Variants in CLDN14 observed in about 807,000 individuals in gnomAD.
The protein encoded by CLDN14 is claudin-14.
Under a neutral mutation model 2.1 loss-of-function variants are expected in CLDN14, and 2 were observed. That is an observed-to-expected ratio of 0.96 (90% CI 0.39 to 3.01). The LOEUF (loss-of-function observed/expected upper bound fraction) is 3.01. Ranked by LOEUF, CLDN14 falls within the 30% of genes most tolerant of loss-of-function variation. The probability of loss-of-function intolerance (pLI) is 0.09; values close to 1 mark genes in which losing one functional copy is unlikely to be tolerated. For missense variants in CLDN14, 298 were observed against 328.0 expected, an observed-to-expected ratio of 0.91 and a Z score of 0.71; for synonymous variants, 136 against 154.4, an observed-to-expected ratio of 0.88 and a Z score of 0.88.
intron 2 of CLDN14, among the ~76,000 whole-genome samples, chr21:36,489,133 T>TAAAA (rs1285052278): frequency 4.7e-5 from 2 of 42,964 alleles, no homozygotes; most frequent in Non-Finnish European, 1.0e-4. Flanking sequence ...AAAAAAAAAA[T>TAAAA]ATATATATAT....
chr21:36,532,781 T>G (rs2087391521), intron 1 of CLDN14, among the ~76,000 whole-genome samples: 1 of 152,126 alleles, frequency 6.6e-6, no homozygotes, highest in Admixed American at 6.5e-5. Context: ...AGAAAGTATT[T>G]AAGTTACGAT....
At chr21:36,491,888 A>G (rs2086969228) in intron 2 of CLDN14, among the ~76,000 whole-genome samples, 1 of 152,208 alleles carries the variant, frequency 6.6e-6, no homozygotes, top group African/African-American at 2.4e-5. Context: ...TAAGAACAGT[A>G]TCATGATGCA....
chr21:36,502,418 A>G (rs2087099289), intron 2 of CLDN14, among the ~76,000 whole-genome samples: 1 of 152,208 alleles, frequency 6.6e-6, no homozygotes, highest in Non-Finnish European at 1.5e-5. Flanking sequence ...TAGTATGCTT[A>G]GGGGTCAGTC....
intron 1 of CLDN14, among the ~76,000 whole-genome samples, chr21:36,475,351 G>T (rs219751): frequency 6.6e-6 from 1 of 151,948 alleles, no homozygotes; most frequent in African/African-American, 2.4e-5. Flanking sequence ...TCTGTTCATC[G>T]TGGAGAAGTC....
intron 2 of CLDN14, chr21:36,486,893 C>G: frequency 1.5e-6 from 1 of 659,512 alleles, no homozygotes. Flanking sequence ...AGGATGCGGC[C>G]GGTGTCTAGA....
rs2146503889 is a variant in CLDN14 at position 36,533,855 on chromosome 21, G to C, written c.-219-23355C>G. Among the ~76,000 whole-genome samples the C allele has an allele frequency of 1.3e-5, 2 of 152,264 alleles. 1 individual carries two copies. The stretch of plus-strand genomic sequence containing the variant: ...GGGCCTACCTGGGGGTGAAGGGTGG[G>C]AGGAGGGAGAGGATCAGGAAAAATA... On this transcript the variant is annotated intron_variant, in intron 1 of 2. Coordinates refer to the CLDN14 transcript ENST00000342108.
chr21:36,564,710 T>C (rs2087660456), intron 1 of CLDN14, among the ~76,000 whole-genome samples: 1 of 152,158 alleles, frequency 6.6e-6, no homozygotes, highest in Admixed American at 6.5e-5. Context: ...GCAGTGAAGG[T>C]TGCAGAGGGA....
chr21:36,461,752 C>G lies in CLDN14; in HGVS notation c.-57G>C. 1 of 1,536,622 alleles carries G rather than the reference C, an allele frequency of 6.5e-7. No homozygotes were observed. Among genetic ancestry groups the G allele is most frequent in the Admixed American group, 2.0e-5 (1 of 50,820 alleles). ...GCTCCCTGGGCCCTCGGGGTCACGCCGCTCCTCAGGTGCCAGCCGGAGCCC... is the reference window on the plus strand; with the variant it reads ...GCTCCCTGGGCCCTCGGGGTCACGCGGCTCCTCAGGTGCCAGCCGGAGCCC... On this transcript the variant is annotated 5_prime_UTR_variant, in exon 2 of 2. Transcript: ENST00000399135.
At chr21:36,501,173 G>A (rs963952281) in intron 2 of CLDN14, among the ~76,000 whole-genome samples, 3 of 152,046 alleles carry the variant, frequency 2.0e-5, no homozygotes, top group African/African-American at 7.2e-5. Context: ...GCTTATCTGA[G>A]GGCTGAAAGA....
At chr21:36,482,055 A>G (rs116544039), upstream of CLDN14, among the ~76,000 whole-genome samples, 2,364 of 152,212 alleles carry the variant, frequency 0.016, 68 homozygotes, top group African/African-American at 0.055. Flanking sequence ...GGCTCCTCCA[A>G]CTTCCATCAA....
intron 2 of CLDN14, among the ~76,000 whole-genome samples, chr21:36,489,131 A>AAAAAAATATATATATATAT: frequency 1.3e-4 from 8 of 62,750 alleles, no homozygotes; most frequent in South Asian, 6.0e-4. Context: ...AAAAAAAAAA[A>AAAAAAATATATATATATAT]ATATATATAT....
At chr21:36,481,176 C>T (rs2146449910), upstream of CLDN14, 1 of 152,306 alleles carries the variant, frequency 6.6e-6, no homozygotes, top group Non-Finnish European at 1.5e-5. Context: ...ACTATCTATG[C>T]CAGGAAAGTT....
intron 2 of CLDN14, among the ~76,000 whole-genome samples, chr21:36,489,131 A>AAAAT: frequency 0.088 from 5,513 of 62,586 alleles, 418 homozygotes; most frequent in Non-Finnish European, 0.13. Context: ...AAAAAAAAAA[A>AAAAT]ATATATATAT....
intron 1 of CLDN14, 63 bp from the exon 2 acceptor site, chr21:36,461,839 G>A (rs1426476582): frequency 1.7e-6 from 2 of 1,146,432 alleles, no homozygotes; most frequent in Non-Finnish European, 2.4e-6. Context: ...ATTATCTCAT[G>A]CACTTATTTC....
chr21:36,535,440 GA>G (rs2087416505), intron 1 of CLDN14, among the ~76,000 whole-genome samples: 1 of 151,748 alleles, frequency 6.6e-6, no homozygotes, highest in African/African-American at 2.4e-5. Flanking sequence ...AAATAAAAAT[GA>G]TTTATAAAGA....
intron 1 of CLDN14, among the ~76,000 whole-genome samples, chr21:36,469,113 GAAAC>G (rs767367475): frequency 6.6e-6 from 1 of 152,142 alleles, no homozygotes; most frequent in Non-Finnish European, 1.5e-5. Context: ...AATCATGTGC[GAAAC>G]AAACGCATAT....
chr21:36,562,402 T>A (rs2146524529), intron 1 of CLDN14, among the ~76,000 whole-genome samples: 1 of 152,286 alleles, frequency 6.6e-6, no homozygotes, highest in East Asian at 1.9e-4. Context: ...GACATCCACT[T>A]TGTAATTCTG....
At chr21:36,472,313 T>A (rs1016792800) in intron 1 of CLDN14, among the ~76,000 whole-genome samples, 8 of 152,156 alleles carry the variant, frequency 5.3e-5, no homozygotes, top group Non-Finnish European at 1.2e-4. Flanking sequence ...GCTGATGGTT[T>A]AGCTGCGGGG....
At chr21:36,562,053 G>T (rs955968997) in intron 1 of CLDN14, among the ~76,000 whole-genome samples, 5 of 151,958 alleles carry the variant, frequency 3.3e-5, no homozygotes, top group African/African-American at 1.2e-4. Context: ...ATATTCCTAA[G>T]ATCCTTGGTG....
Sources: allele counts gnomAD v4.1 joint callset (sites outside exome capture counted in the v4.1 genomes callset), GRCh38; gene constraint gnomAD v4.1.1; transcripts MANE v1.5; gene names NCBI Gene and HGNC (gene_info 2026-07-23, HGNC 2026-07-21).